The following LAMB2 variants were observed in gnomAD, a reference collection of about 807,000 sequenced individuals.
LAMB2 encodes laminin subunit beta-2.
Under a neutral mutation model 202.7 loss-of-function variants are expected in LAMB2, and 119 were observed. The observed-to-expected ratio is 0.59, with a 90% CI of 0.51 to 0.68. LAMB2 has a LOEUF of 0.68. Among genes scored for constraint, LAMB2 ranks in the 30% least tolerant of loss-of-function variants. The pLI is 0.00. For synonymous variants in LAMB2, 818 were observed against 902.2 expected, an observed-to-expected ratio of 0.91 and a Z score of 1.67; for missense variants, 2,124 against 2,410.6, an observed-to-expected ratio of 0.88 and a Z score of 2.49.
rs199859609 is a variant in LAMB2, at chr3:49,128,679, C to A, written c.1872G>T (p.Leu624=). The A allele has an allele frequency of 6.2e-7, 1 of 1,614,216 alleles. No individual in the cohort carries two copies. The highest frequency in any genetic ancestry group is 1.7e-5 in the Admixed American group (1 of 60,032). Residue 624 remains leucine, a synonymous_variant, in exon 14 of 32, where the codon CTG becomes CTT. Coordinates refer to ENST00000305544, the MANE Select transcript of LAMB2 (RefSeq NM_002292.4). ...GTCTAACCTGGGGCTCTAAGCGCAG[C>A]AGCAGGTCATAGTCCATAGCCTTCG... ...SVPKAMDYDL[L]LRLEPQVPEQ...
rs1351443437 is a variant in LAMB2 at position 49,126,009 on chromosome 3, G to A, written c.2302C>T (p.Leu768Phe). The A allele has an allele frequency of 1.9e-6, 3 of 1,614,190 alleles. No individual in the cohort carries two copies. The Admixed American group carries it at 5.0e-5, about 27-fold the overall frequency. ...ATGAGGGTGGACAGGCTGATGAGGA[G>A]GGGTGCGCAGGCCTCAGAGGGAGAA... ...KTSPSEACAP[L>F]LISLSTLIYN... Residue 768 changes from leucine (L) to phenylalanine (F), a missense_variant, in exon 17 of 32, where the codon CTC becomes TTC. Physicochemically the swap from Leu to Phe is conservative, Grantham distance 22. Around this residue, in one of 3 missense-constraint regions of LAMB2, gnomAD observed 1,702 missense variants for 1,896.3 expected, o/e 0.90. Transcript: ENST00000305544.
At chr3:49,127,747 A>C (rs143995015) in intron 15 of LAMB2, among the ~76,000 whole-genome samples, 1 of 148,758 alleles carries the variant, frequency 6.7e-6, no homozygotes, top group Non-Finnish European at 1.5e-5. Flanking sequence ...AGGGCTGGGC[A>C]CGGTGGCTCA....
At position 49,122,970 on chromosome 3, in the gene LAMB2, C is replaced by T. The variant is rs377526198; in HGVS notation, c.4307G>A (p.Arg1436His). ...CCCATTGCAGCTGAGGCCCCCACAG[C>T]GCGGCTGCCCATCCTCATCTCGACA... is the stretch of plus-strand genomic sequence containing the variant. ...AGCRDEDGQP[R>H]CGGLSCNGAA... The change falls in exon 27 of 32, where the codon CGC (arginine) becomes CAC (histidine). Residue 1436 changes from arginine to histidine, a missense_variant. Coordinates refer to ENST00000305544, the MANE Select transcript of LAMB2 (RefSeq NM_002292.4). 7.7e-5 allele frequency: 124 copies of T among 1,608,664 alleles called. No homozygotes were observed. Among genetic ancestry groups the T allele is most frequent in the Non-Finnish European group, 1.0e-4 (120 of 1,179,920 alleles).
rs149560677 is a variant in LAMB2, at chr3:49,124,604, A to T, written c.3118T>A (p.Cys1040Ser). 12 of 1,613,590 alleles carry T rather than the reference A, an allele frequency of 7.4e-6. No homozygotes were observed. The Admixed American group carries it at 1.2e-4, about 16-fold the overall frequency. The change falls in exon 22 of 32, where the codon TGC becomes AGC. Residue 1040 changes from cysteine (C) to serine (S), a missense_variant. Around this residue, in one of 3 missense-constraint regions of LAMB2, gnomAD observed 1,702 missense variants for 1,896.3 expected, o/e 0.90. Coordinates refer to ENST00000305544, the MANE Select transcript of LAMB2 (RefSeq NM_002292.4). ...AARQSCHRCT[C>S]NLLGTNPQQC... ...TGCGGATTTGTGCCCAGCAGGTTGC[A>T]TGTGCAGCCTGTGCCAACCAAGATG...
intron 27 of LAMB2, 153 bp from the exon 28 acceptor site, chr3:49,122,523 G>A: frequency 1.1e-6 from 1 of 932,898 alleles, no homozygotes; most frequent in Non-Finnish European, 1.7e-6. Context: ...TATACAAGGG[G>A]CTCAGACTCA....
intron 27 of LAMB2, 46 bp from the exon 28 acceptor site, chr3:49,122,416 G>A (rs759252689): frequency 2.5e-6 from 4 of 1,570,162 alleles, no homozygotes; most frequent in African/African-American, 1.3e-5. Context: ...TCTCCAGCAT[G>A]GGCATGAGGA....
In LAMB2 at chr3:49,123,478, A is replaced by G. The variant is rs1173799940; in HGVS notation, c.3951T>C (p.His1317=). 6.2e-7 allele frequency: 1 copy of G among 1,614,132 alleles called. No homozygotes were observed. Among genetic ancestry groups the G allele is most frequent in the Admixed American group, 1.7e-5 (1 of 60,016 alleles). Residue 1317 remains histidine (H), a synonymous_variant, in exon 25 of 32, where the codon CAT becomes CAC. Transcript: ENST00000305544. ...AGTTTGAATGTTTGAGCAAGTCAAGATGCTGGTCGAGCTGCCGCAGTGTGA... is the reference window on the plus strand; with the variant it reads ...AGTTTGAATGTTTGAGCAAGTCAAGGTGCTGGTCGAGCTGCCGCAGTGTGA... ...LNLTLRQLDQ[H]LDLLKHSNFL... is the part of the protein sequence containing the mutation.
rs1393899456 is a variant in LAMB2 at position 49,129,071 on chromosome 3, G to C, written c.1680C>G (p.Phe560Leu). Residue 560 changes from phenylalanine to leucine, a missense_variant, in exon 13 of 32, where the codon TTC becomes TTG. Physicochemically the swap from Phe to Leu is conservative, Grantham distance 22. This residue lies in a region of LAMB2 where 1,702 missense variants were observed against 1,896.3 expected (regional missense o/e 0.90). Coordinates refer to ENST00000305544, the MANE Select transcript of LAMB2 (RefSeq NM_002292.4). This position sits in a 1 kb window ranked among gnomAD's most constrained non-coding sequence, Gnocchi z 6.1. ...RRCEQVQPGYFRPFLDHLIWE... is the reference protein window; with the variant it reads ...RRCEQVQPGYLRPFLDHLIWE... ...AAATTAGGTGGTCCAGGAAGGGCCG[G>C]AAGTAGCCAGGTTGCACCTGCTCAC... The C allele has an allele frequency of 6.2e-7, 1 of 1,613,532 alleles. No individual in the cohort carries two copies. Among genetic ancestry groups the C allele is most frequent in the Admixed American group, 1.7e-5 (1 of 60,030 alleles).
intron 15 of LAMB2, among the ~76,000 whole-genome samples, chr3:49,127,714 A>C (rs1019610652): frequency 2.0e-5 from 3 of 150,392 alleles, no homozygotes; most frequent in African/African-American, 7.4e-5. Context: ...CAAACAAACA[A>C]ACAAAACATG....
Position 49,125,070 on chromosome 3 carries a change from A to G in LAMB2, c.2820T>C (p.Ala940=). ...AATATTCATCCTGGTGGCAAGAAGT[A>G]GCAAAGTGCCGTTGGCTCCCAGGGC... The part of the protein sequence containing the change: ...PEGPGSQRHF[A]TSCHQDEYSQ... The change falls in exon 20 of 32, where the codon GCT becomes GCC. Residue 940 remains alanine, a synonymous_variant. Coordinates refer to ENST00000305544, the MANE Select transcript of LAMB2 (RefSeq NM_002292.4). The G allele has an allele frequency of 6.2e-7, 1 of 1,613,944 alleles. No individual in the cohort carries two copies. The highest frequency in any genetic ancestry group is 8.5e-7 in the Non-Finnish European group (1 of 1,180,042).
At position 49,130,275 on chromosome 3, in the gene LAMB2, TAGA is replaced by T. The variant is rs905762968; in HGVS notation, c.1178_1180del (p.Phe393del). 2.5e-6 allele frequency: 4 copies of T among 1,614,082 alleles called. No homozygotes were observed. Among genetic ancestry groups the T allele is most frequent in the East Asian group, 2.2e-5 (1 of 44,880 alleles). ...CCGCAGGTCCTTGGTTGGGTCACGG[TAGA>T]AGAAGGGCCGACAGAGCTCACAGTG... On this transcript the variant is annotated inframe_deletion, in exon 9 of 32. Transcript: ENST00000305544. This position sits in a 1 kb window ranked among gnomAD's most constrained non-coding sequence, Gnocchi z 5.0.
At position 49,124,532 on chromosome 3, in the gene LAMB2, G is replaced by T. The variant is rs1223968225; in HGVS notation, c.3190C>A (p.Gln1064Lys). 7.4e-6 allele frequency: 12 copies of T among 1,613,666 alleles called. No homozygotes were observed. The highest frequency in any genetic ancestry group is 2.7e-5 in the African/African-American group (2 of 74,950). Residue 1064 changes from glutamine (Q) to lysine (K), a missense_variant, in exon 22 of 32, where the codon CAG becomes AAG. By Grantham distance (53) the Gln-to-Lys change is moderately conservative. This residue lies in a region of LAMB2 where 1,702 missense variants were observed against 1,896.3 expected (regional missense o/e 0.90). Transcript: ENST00000305544. The part of the protein sequence containing the change: ...DQCHCDPSSG[Q>K]CPCLPNVQGP... ...TGGACATTGGGGAGGCATGGGCACT[G>T]CCCACTGCTTGGATCACAGTGGCAC... is the stretch of plus-strand genomic sequence containing the variant.
rs528232104 is a variant in LAMB2, at chr3:49,125,584, G to C, written c.2489-100C>G. On this transcript the variant is annotated intron_variant, in intron 18 of 31. Transcript: ENST00000305544. ...GGGAGTGTGAGTAGTGGGAGTCTAG[G>C]TGGGAAGGTCAGGAAATGGAAGAGA... 5 of 1,394,720 alleles carry C rather than the reference G, an allele frequency of 3.6e-6. No individual in the cohort carries two copies. In the Admixed American group the frequency reaches 1.0e-4, roughly 28 times the overall value. The allele number at this position is 1,394,720 out of a possible 1,614,324, so 86.4% of individuals were successfully genotyped here.
chr3:49,126,317 C>T (rs1467085671), intron 16 of LAMB2, 48 bp downstream of exon 16: 1 of 1,613,810 alleles, frequency 6.2e-7, no homozygotes, highest in African/African-American at 1.3e-5. Context: ...AGTCCCACAC[C>T]ACGGGCCCTG....
Position 49,125,842 on chromosome 3 carries a change from T to A in LAMB2, c.2393A>T (p.His798Leu). 1 of 1,614,054 alleles carries A rather than the reference T, an allele frequency of 6.2e-7. No individual in the cohort carries two copies. Among genetic ancestry groups the A allele is most frequent in the South Asian group, 1.1e-5 (1 of 91,074 alleles). ...QGSLSSECNP[H>L]GGQCLCKPGV... is the part of the protein sequence containing the mutation. ...AGGCTTGCACAGGCACTGACCACCA[T>A]GAGGGTTGCACTCAGAACTCAGTGA... is the stretch of plus-strand genomic sequence containing the variant. Residue 798 changes from histidine to leucine, a missense_variant, in exon 18 of 32, where the codon CAT (histidine) becomes CTT (leucine). Physicochemically the swap from His to Leu is moderately conservative, Grantham distance 99. Transcript: ENST00000305544.
chr3:49,122,900 T>TG lies in LAMB2; in HGVS notation c.4376dup (p.Gln1460ThrfsTer13). The TG allele has an allele frequency of 6.2e-7, 1 of 1,609,850 alleles. No individual in the cohort carries two copies. The highest frequency in any genetic ancestry group is 8.5e-7 in the Non-Finnish European group (1 of 1,179,974). On this transcript the variant is annotated frameshift_variant, in exon 27 of 32. Coordinates refer to ENST00000305544, the MANE Select transcript of LAMB2 (RefSeq NM_002292.4). LOFTEE classifies it high-confidence loss of function. ...CCAGTGCCCGCTGCAGCTCTGCCTG[T>TG]GTGTGCCGGGCCCGGCCCAGTGCTA...
In LAMB2 at chr3:49,121,488, C is replaced by A. The variant is rs1297843307; in HGVS notation, c.5205G>T (p.Arg1735=). The part of the protein sequence containing the change: ...LAAQARAEQL[R]DEARDLLQAA... ...CTTGCAACAGGTCCCGAGCCTCATCCCGCAGTTGTTCTGCCCTTGCCTGTG... is the reference window on the plus strand; with the variant it reads ...CTTGCAACAGGTCCCGAGCCTCATCACGCAGTTGTTCTGCCCTTGCCTGTG... Residue 1735 remains arginine (R), a synonymous_variant, in exon 31 of 32, where the codon CGG becomes CGT. Transcript: ENST00000305544. The A allele has an allele frequency of 1.2e-6, 2 of 1,614,070 alleles. No individual in the cohort carries two copies. The highest frequency in any genetic ancestry group is 3.3e-5 in the Admixed American group (2 of 60,030).
chr3:49,122,686 G>A lies in LAMB2; in HGVS notation c.4573+18C>T, dbSNP rs766461460. 1 of 1,603,092 alleles carries A rather than the reference G, an allele frequency of 6.2e-7. No individual in the cohort carries two copies. The highest frequency in any genetic ancestry group is 1.1e-5 in the South Asian group (1 of 90,816). On this transcript the variant is annotated intron_variant, in intron 27 of 31. Coordinates refer to ENST00000305544, the MANE Select transcript of LAMB2 (RefSeq NM_002292.4). ...CAAAGGGGACAACCACATGGCCTGG[G>A]ACACGTGGGAGGCTCACGGTTGAGG...
rs1475856343 is a variant in LAMB2, at chr3:49,123,858, C to T, written c.3667G>A (p.Val1223Met). 6.2e-7 allele frequency: 1 copy of T among 1,613,440 alleles called. No homozygotes were observed. Among genetic ancestry groups the T allele is most frequent in the Non-Finnish European group, 8.5e-7 (1 of 1,179,936 alleles). The change falls in exon 24 of 32, where the codon GTG (valine) becomes ATG (methionine). Residue 1223 changes from valine (V) to methionine (M), a missense_variant. This residue lies in a region of LAMB2 where 1,702 missense variants were observed against 1,896.3 expected (regional missense o/e 0.90). Coordinates refer to ENST00000305544, the MANE Select transcript of LAMB2 (RefSeq NM_002292.4). ...QRAQELQQTGVLGAFESSFWH... is the reference protein window; with the variant it reads ...QRAQELQQTGMLGAFESSFWH... ...AAGCTGCTCTCAAAGGCACCCAGCACACCCGTCTGTTGCAACTCCTGCGCC... is the reference window on the plus strand; with the variant it reads ...AAGCTGCTCTCAAAGGCACCCAGCATACCCGTCTGTTGCAACTCCTGCGCC...
Sources: gnomAD v4.1 joint callset for allele counts (sites outside exome capture counted in the v4.1 genomes callset) on GRCh38, gnomAD v4.1.1 for gene constraint, gnomAD v4.1.1 regional missense constraint, Gnocchi (gnomAD v3.1) non-coding constraint, MANE v1.5 for transcripts, NCBI Gene and HGNC (gene_info 2026-07-23, HGNC 2026-07-21) for gene names.